Variants in PHF6 observed in about 807,000 individuals in gnomAD.
PHF6 encodes PHD-like zinc finger protein.
PHF6 carries 7 observed loss-of-function variants against 34.0 expected under a neutral mutation model. That is an observed-to-expected ratio of 0.21 (90% CI 0.12 to 0.39). PHF6 has a LOEUF of 0.39. Among genes scored for constraint, PHF6 ranks in the 10% least tolerant of loss-of-function variants. PHF6 has a pLI of 1.00. For missense variants in PHF6, 128 were observed against 262.8 expected (o/e 0.49, Z 3.55); for synonymous variants, 89 against 88.4 (o/e 1.01, Z -0.04).
At chrX:134,405,028 G>T (rs1363812090) in intron 5 of PHF6, among the ~76,000 whole-genome samples, 4 of 111,592 alleles carry the variant, frequency 3.6e-5, no homozygotes, top group Admixed American at 9.5e-5. Flanking sequence ...TCTTGAAGAT[G>T]TCTGTAAATA....
intron 3 of PHF6, among the ~76,000 whole-genome samples, chrX:134,380,872 A>ATGTTTTTTGTTTGGAGT (rs1216283493): frequency 9.0e-6 from 1 of 111,710 alleles, no homozygotes; most frequent in Non-Finnish European, 1.9e-5. Context: ...TGTTTTTGAG[A>ATGTTTTTTGTTTGGAGT]TGGAGTCTTG....
chrX:134,383,620 T>C (rs2077317463), intron 3 of PHF6, among the ~76,000 whole-genome samples: 1 of 112,001 alleles, frequency 8.9e-6, no homozygotes, highest in Non-Finnish European at 1.9e-5. Context: ...TAACATGTGC[T>C]AGGGACTATG....
intron 3 of PHF6, among the ~76,000 whole-genome samples, chrX:134,379,276 G>C (rs375584044): frequency 1.8e-5 from 2 of 110,768 alleles, no homozygotes; most frequent in Admixed American, 1.9e-4. Flanking sequence ...TCAAATCCTA[G>C]TATCAGTATT....
chrX:134,425,530 G>A (rs1188620106), intron 10 of PHF6, 131 bp from the exon 11 acceptor site: 2 of 428,436 alleles, frequency 4.7e-6, no homozygotes, highest in Non-Finnish European at 8.1e-6. Context: ...ATAAAAACAA[G>A]CTATCTGCTT....
intron 5 of PHF6, among the ~76,000 whole-genome samples, chrX:134,403,175 C>A: frequency 8.9e-6 from 1 of 112,171 alleles, no homozygotes. Context: ...CTGAGACAGG[C>A]CAAAAGCTAG....
chrX:134,378,125 CTCTTGAGAATAAAAAT>C lies in PHF6; in HGVS notation c.240+21_240+36del. ...GAAGCTGGTAAGTTGGTATTTCTGC[CTCTTGAGAATAAAAAT>C]TATTTAAACTCATTAAAGAGGAAAT... is the stretch of plus-strand genomic sequence containing the variant. On this transcript the variant is annotated intron_variant, in intron 3 of 10. Coordinates refer to ENST00000370803, the MANE Select transcript of PHF6 (RefSeq NM_001015877.2). 9.5e-7 allele frequency: 1 copy of C among 1,055,679 alleles called. No homozygotes were observed. The highest frequency in any genetic ancestry group is 1.3e-6 in the Non-Finnish European group (1 of 758,739). 87.0% of individuals were successfully genotyped at this position (1,055,679 alleles called of 1,213,427 possible).
chrX:134,403,526 G>A (rs975615080), intron 5 of PHF6, among the ~76,000 whole-genome samples: 2 of 112,491 alleles, frequency 1.8e-5, no homozygotes, highest in African/African-American at 6.5e-5. Context: ...AGCAGCAAGT[G>A]CTGATGTAGA....
chrX:134,382,566 CTTTT>C (rs377670545), intron 3 of PHF6, among the ~76,000 whole-genome samples: 1 of 84,639 alleles, frequency 1.2e-5, no homozygotes. Flanking sequence ...AGCTATTCTT[CTTTT>C]TTTTTTTTTT....
At position 134,415,304 on chromosome X, in the gene PHF6, A is replaced by G. The variant is rs767338633; in HGVS notation, c.834+184A>G. ...TGATGTTACTGAAACTTATTTCTCT[A>G]TGTAACTTCATTACTTTAAGAGAAT... On this transcript the variant is annotated intron_variant, in intron 8 of 10. Transcript: ENST00000370803. 75 of 694,527 alleles carry G rather than the reference A, an allele frequency of 1.1e-4. 1 individual carries two copies. In the African/African-American group the frequency reaches 1.5e-3, roughly 14 times the overall value. 57.2% of individuals were successfully genotyped at this position (694,527 alleles called of 1,213,427 possible).
intron 3 of PHF6, among the ~76,000 whole-genome samples, chrX:134,384,849 C>T (rs1022979514): frequency 9.0e-6 from 1 of 110,627 alleles, no homozygotes; most frequent in African/African-American, 3.3e-5. Context: ...GACGCGGTTT[C>T]ACCGTGTTAG....
At chrX:134,388,353 G>A (rs1461964749) in intron 3 of PHF6, among the ~76,000 whole-genome samples, 2 of 111,495 alleles carry the variant, frequency 1.8e-5, no homozygotes, top group East Asian at 2.8e-4. Context: ...TTTTTGGCTC[G>A]TATCTCCTGT....
At chrX:134,397,685 A>G (rs756319657) in intron 5 of PHF6, among the ~76,000 whole-genome samples, 2 of 111,623 alleles carry the variant, frequency 1.8e-5, no homozygotes, top group Non-Finnish European at 3.8e-5. Flanking sequence ...TAAAAAAAAT[A>G]TCTCCCCTAT....
intron 3 of PHF6, among the ~76,000 whole-genome samples, chrX:134,385,785 GT>G (rs1212234251): frequency 9.0e-6 from 1 of 111,391 alleles, no homozygotes; most frequent in Non-Finnish European, 1.9e-5. Context: ...AAACATGAGA[GT>G]TTTCATGTTT....
chrX:134,427,756 G>C lies in PHF6; in HGVS notation c.*2096G>C. The C allele has an allele frequency of 1.2e-5, 2 of 160,952 alleles. No homozygotes were observed. Among genetic ancestry groups the C allele is most frequent in the East Asian group, 1.9e-4 (2 of 10,673 alleles). 13.3% of individuals were successfully genotyped at this position (160,952 alleles called of 1,213,427 possible). On this transcript the variant is annotated 3_prime_UTR_variant, in exon 11 of 11. Coordinates refer to ENST00000370803, the MANE Select transcript of PHF6 (RefSeq NM_001015877.2). ...ACAATCTCGCATTAAAAATTCAAATGTAAATTGAATTCACATGAAAAATCA... is the reference window on the plus strand; with the variant it reads ...ACAATCTCGCATTAAAAATTCAAATCTAAATTGAATTCACATGAAAAATCA...
chrX:134,406,553 A>G (rs987094130), intron 5 of PHF6, among the ~76,000 whole-genome samples: 13 of 111,656 alleles, frequency 1.2e-4, no homozygotes, highest in African/African-American at 3.9e-4. Flanking sequence ...GGGCTTTACA[A>G]TACTAGGAAG....
rs71920546 is a variant in PHF6 at position 134,410,621 on chromosome X, G to GTTTATTTTATTTTATTTTATTTTAT, written c.419-2851_419-2827dup. On this transcript the variant is annotated intron_variant, in intron 5 of 10. Coordinates refer to ENST00000370803, the MANE Select transcript of PHF6 (RefSeq NM_001015877.2). ...TACAGCAGAAGCAGATATTTTTCCA[G>GTTTATTTTATTTTATTTTATTTTAT]TTTATTTTATTTTATTTTATTTTAT... Among the ~76,000 whole-genome samples, 146 of 97,603 alleles carry GTTTATTTTATTTTATTTTATTTTAT rather than the reference G, an allele frequency of 1.5e-3. 2 individuals are homozygous for GTTTATTTTATTTTATTTTATTTTAT. Among genetic ancestry groups the GTTTATTTTATTTTATTTTATTTTAT allele is most frequent in the African/African-American group, 5.4e-3 (138 of 25,647 alleles). The allele number at this position is 97,603 out of a possible 115,157, so 84.8% of individuals were successfully genotyped here. A position where few individuals can be genotyped will look rare whatever the true frequency, so the allele number is the denominator to read the frequency against.
rs1304142291 is a variant in PHF6, at chrX:134,377,698, A to G, written c.81A>G (p.Glu27=). 8.3e-7 allele frequency: 1 copy of G among 1,207,878 alleles called. No individual in the cohort carries two copies. The highest frequency in any genetic ancestry group is 1.1e-6 in the Non-Finnish European group (1 of 893,927). The change falls in exon 2 of 11, where the codon GAA becomes GAG. Residue 27 remains glutamate (E), a synonymous_variant. Transcript: ENST00000370803. The stretch of plus-strand genomic sequence containing the variant: ...TTTGTAAGTCAAATAGAGACAAGGA[A>G]TGTGGACAGTTACTAATATCTGAAA... ...CGFCKSNRDK[E]CGQLLISENQ...
chrX:134,392,965 T>A (rs990877838), intron 3 of PHF6, among the ~76,000 whole-genome samples: 6 of 110,997 alleles, frequency 5.4e-5, no homozygotes, highest in African/African-American at 2.0e-4. Flanking sequence ...CCCCAGCTAA[T>A]TTTTTTGTAT....
chrX:134,409,674 G>T (rs1256929125), intron 5 of PHF6, among the ~76,000 whole-genome samples: 1 of 106,564 alleles, frequency 9.4e-6, no homozygotes, highest in Non-Finnish European at 1.9e-5. Context: ...TTTAACTTCA[G>T]ATTCAGGGGG....
Sources: allele counts gnomAD v4.1 joint callset (sites outside exome capture counted in the v4.1 genomes callset), GRCh38; gene constraint gnomAD v4.1.1; transcripts MANE v1.5; gene names NCBI Gene and HGNC (gene_info 2026-07-23, HGNC 2026-07-21).